ANXA2: variants seen among roughly 807,000 people sequenced by gnomAD.
ANXA2 encodes annexin II.
In ANXA2, 28 loss-of-function variants were observed where a neutral mutation model predicts 47.3. That is an observed-to-expected ratio of 0.59 (90% CI 0.44 to 0.81). ANXA2 has a LOEUF of 0.81. Among genes scored for constraint, ANXA2 ranks in the 40% least tolerant of loss-of-function variants. The pLI, the probability that ANXA2 is intolerant of heterozygous loss-of-function variation, is 0.00. For missense variants in ANXA2, 384 were observed against 414.3 expected (o/e 0.93, Z 0.64); for synonymous variants, 172 against 155.5 (o/e 1.11, Z -0.79).
chr15:60,364,528 G>A lies in ANXA2; in HGVS notation c.149-5C>T, dbSNP rs1359620130. On this transcript the variant is annotated splice_polypyrimidine_tract_variant and splice_region_variant and intron_variant, in intron 3 of 12. Coordinates refer to ENST00000451270, the MANE Select transcript of ANXA2 (RefSeq NM_004039.3). Reference sequence around the variant, plus strand: ...CAATGGTGACCTCATCCACACCTATGGAAATACAAGTTGTTAATCGTTACT... The same window carrying A: ...CAATGGTGACCTCATCCACACCTATAGAAATACAAGTTGTTAATCGTTACT... 6.2e-7 allele frequency: 1 copy of A among 1,604,610 alleles called. No individual in the cohort carries two copies. Among genetic ancestry groups the A allele is most frequent in the Non-Finnish European group, 8.5e-7 (1 of 1,176,586 alleles).
rs114277885 is a variant in ANXA2, at chr15:60,393,598, T to C, written c.-12+4345A>G. On this transcript the variant is annotated intron_variant, in intron 1 of 12. Transcript: ENST00000451270. The stretch of plus-strand genomic sequence containing the variant: ...ACTCTTCTCCAAACACGCTCAGCAC[T>C]TTCTAAGTTCCCTCCACCAGGAACC... The C allele has an allele frequency of 1.1e-5, 11 of 985,380 alleles. No homozygotes were observed. In the African/African-American group the frequency reaches 1.9e-4, roughly 17 times the overall value. 61.0% of individuals were successfully genotyped at this position (985,380 alleles called of 1,614,324 possible).
rs887174872 is a variant in ANXA2, at chr15:60,352,368, C to G, written c.682+15G>C. The G allele has an allele frequency of 1.2e-6, 2 of 1,602,920 alleles. No individual in the cohort carries two copies. Among genetic ancestry groups the G allele is most frequent in the Non-Finnish European group, 1.7e-6 (2 of 1,170,640 alleles). Reference sequence around the variant, plus strand: ...GGGCCCCAAGGCACTGAGACTCCCTCAGCACAGTGCCCACCTTTCTGGAGG... The same window carrying G: ...GGGCCCCAAGGCACTGAGACTCCCTGAGCACAGTGCCCACCTTTCTGGAGG... On this transcript the variant is annotated intron_variant, in intron 9 of 12. Transcript: ENST00000451270. This position sits in a 1 kb window ranked among gnomAD's most constrained non-coding sequence, Gnocchi z 4.2.
At chr15:60,364,288 A>T in intron 4 of ANXA2, 141 bp downstream of exon 4, 1 of 714,204 alleles carries the variant, frequency 1.4e-6, no homozygotes, top group South Asian at 1.6e-5. Flanking sequence ...TCTTACAAGG[A>T]TTTAAGAAGA....
chr15:60,393,077 C>T (rs760036690), intron 1 of ANXA2: 2 of 1,287,388 alleles, frequency 1.6e-6, no homozygotes, highest in South Asian at 1.2e-5. Flanking sequence ...GTTTTATGGT[C>T]TTGATTAATG....
chr15:60,380,015 G>C (rs528736602), intron 3 of ANXA2, among the ~76,000 whole-genome samples: 2 of 152,270 alleles, frequency 1.3e-5, no homozygotes, highest in African/African-American at 2.4e-5. Context: ...TGCTAGATGA[G>C]TTAACTGCTA....
chr15:60,351,329 C>T, intron 10 of ANXA2, 78 bp from the exon 11 acceptor site: 1 of 1,473,090 alleles, frequency 6.8e-7, no homozygotes, highest in South Asian at 1.1e-5. Context: ...TGCCCTGGCC[C>T]TGGGCCACAA....
At chr15:60,378,653 C>T (rs2062813488) in intron 3 of ANXA2, among the ~76,000 whole-genome samples, 1 of 152,176 alleles carries the variant, frequency 6.6e-6, no homozygotes, top group Admixed American at 6.5e-5. Flanking sequence ...CCTACTTACT[C>T]TCTAAAATCA....
At position 60,360,968 on chromosome 15, in the gene ANXA2, G is replaced by A. The variant is rs559081202; in HGVS notation, c.330C>T (p.Asp110=). 1.6e-5 allele frequency: 25 copies of A among 1,611,026 alleles called. No homozygotes were observed. The South Asian group carries it at 1.6e-4, about 11-fold the overall frequency. Reference sequence around the variant, plus strand: ...TCATGGAAGCTTTTAGCTCAGAAGCGTCATACTGAGCAGGTGTCTTCAATA... The same window carrying A: ...TCATGGAAGCTTTTAGCTCAGAAGCATCATACTGAGCAGGTGTCTTCAATA... ...LGLLKTPAQY[D]ASELKASMKG... Residue 110 remains aspartate (D), a synonymous_variant, in exon 5 of 13, where the codon GAC becomes GAT. Coordinates refer to ENST00000451270, the MANE Select transcript of ANXA2 (RefSeq NM_004039.3).
chr15:60,349,796 GAAGAAA>G (rs1895906786), intron 11 of ANXA2, among the ~76,000 whole-genome samples: 1 of 139,554 alleles, frequency 7.2e-6, no homozygotes, highest in Non-Finnish European at 1.5e-5. Flanking sequence ...GAGAAAGAGA[GAAGAAA>G]GGGAAAGGGA....
At chr15:60,364,307 G>T in intron 4 of ANXA2, 122 bp downstream of exon 4, 3 of 757,674 alleles carry the variant, frequency 4.0e-6, no homozygotes, top group Non-Finnish European at 6.7e-6. Flanking sequence ...GAAAATCTTA[G>T]ATATCCAAGG....
At position 60,386,007 on chromosome 15, in the gene ANXA2, A is replaced by T. The variant is rs2062928384; in HGVS notation, c.48+21T>A. 2.5e-6 allele frequency: 4 copies of T among 1,588,560 alleles called. No individual in the cohort carries two copies. In the African/African-American group the frequency reaches 5.4e-5, roughly 21 times the overall value. The stretch of plus-strand genomic sequence containing the variant: ...ATGTCCAACTTGCAAAAATTATATA[A>T]AGTGAAAGTGATATACTTACATCAC... On this transcript the variant is annotated intron_variant, in intron 2 of 12. Transcript: ENST00000451270.
chr15:60,349,226 T>C (rs759374838), intron 11 of ANXA2, 29 bp from the exon 12 acceptor site: 6 of 1,612,378 alleles, frequency 3.7e-6, no homozygotes. Flanking sequence ...TTTGTTACAT[T>C]CGCTGAGAAT....
chr15:60,365,159 TTAA>T (rs2062577641), intron 3 of ANXA2, among the ~76,000 whole-genome samples: 1 of 151,512 alleles, frequency 6.6e-6, no homozygotes, highest in Admixed American at 6.6e-5. Flanking sequence ...ATAGGCAATT[TTAA>T]TAATTAATTT....
At chr15:60,377,881 A>G (rs1192154368) in intron 3 of ANXA2, among the ~76,000 whole-genome samples, 1 of 152,078 alleles carries the variant, frequency 6.6e-6, no homozygotes, top group African/African-American at 2.4e-5. Context: ...TGAGGTCAGG[A>G]GTGCGAGACG....
intron 4 of ANXA2, chr15:60,361,375 C>G: frequency 3.5e-6 from 1 of 284,954 alleles, no homozygotes; most frequent in Non-Finnish European, 6.9e-6. Context: ...TGCTTGAAAG[C>G]AGTAACACTC....
chr15:60,378,043 A>C (rs769488213), intron 3 of ANXA2, among the ~76,000 whole-genome samples: 2 of 152,166 alleles, frequency 1.3e-5, no homozygotes, highest in Non-Finnish European at 2.9e-5. Context: ...CAGAGGTTGC[A>C]GTGAGTCAAG....
At chr15:60,397,759 C>A in intron 1 of ANXA2, 184 bp downstream of exon 1, 3 of 957,300 alleles carry the variant, frequency 3.1e-6, no homozygotes, top group Non-Finnish European at 2.7e-6. Flanking sequence ...GCCCCAAACA[C>A]CTTGTCCCTG....
intron 3 of ANXA2, among the ~76,000 whole-genome samples, chr15:60,380,851 G>C (rs980281007): frequency 3.4e-5 from 5 of 146,402 alleles, no homozygotes; most frequent in African/African-American, 1.0e-4. Context: ...GGTCTAATTT[G>C]GATGCTTCAT....
intron 3 of ANXA2, among the ~76,000 whole-genome samples, chr15:60,381,934 T>C (rs889386764): frequency 1.3e-5 from 2 of 151,768 alleles, no homozygotes; most frequent in African/African-American, 2.4e-5. Flanking sequence ...CCCAGACTGA[T>C]TCCTTTTAAC....
Sources: allele counts gnomAD v4.1 joint callset (sites outside exome capture counted in the v4.1 genomes callset), GRCh38; gene constraint gnomAD v4.1.1; non-coding constraint Gnocchi (gnomAD v3.1); transcripts MANE v1.5; gene names NCBI Gene and HGNC (gene_info 2026-07-23, HGNC 2026-07-21).